FAM200B: variants seen among roughly 807,000 people sequenced by gnomAD.
The protein encoded by FAM200B is zinc finger BED-type containing 11, also known as protein FAM200B.
Under a neutral mutation model 33.1 loss-of-function variants are expected in FAM200B, and 32 were observed. That is an observed-to-expected ratio of 0.97 (90% CI 0.73 to 1.30). The LOEUF is 1.30. FAM200B is among the 50% of genes most tolerant of loss of function. The pLI is 0.00. For synonymous variants in FAM200B, 240 were observed against 264.8 expected (o/e 0.91, Z 0.91); for missense variants, 741 against 754.0 (o/e 0.98, Z 0.20).
the FAM200B span, among the ~76,000 whole-genome samples, chr4:15,642,646 G>A: frequency 1.3e-5 from 2 of 152,130 alleles, no homozygotes; most frequent in Admixed American, 1.3e-4. Context: ...CTAATGTCCT[G>A]TTCTCTTACG....
the FAM200B span, among the ~76,000 whole-genome samples, chr4:15,654,997 A>C: frequency 6.6e-6 from 1 of 151,270 alleles, no homozygotes; most frequent in East Asian, 1.9e-4. Flanking sequence ...AGCACGTCCG[A>C]GGCGGCGGCC....
chr4:15,666,800 G>A, the FAM200B span, among the ~76,000 whole-genome samples: 1 of 151,772 alleles, frequency 6.6e-6, no homozygotes, highest in Non-Finnish European at 1.5e-5. Context: ...CAGCCTGGGT[G>A]ACAGAGCTGC....
At chr4:15,646,519 A>G in the FAM200B span, among the ~76,000 whole-genome samples, 3 of 151,688 alleles carry the variant, frequency 2.0e-5, no homozygotes, top group African/African-American at 7.2e-5. Flanking sequence ...TACAAAATCA[A>G]AAGAAACCAT....
upstream of FAM200B, among the ~76,000 whole-genome samples, chr4:15,680,018 T>C (rs1718158027): frequency 6.6e-6 from 1 of 151,838 alleles, no homozygotes; most frequent in African/African-American, 2.4e-5. Flanking sequence ...ATTTACTGTA[T>C]AAACTGGAGT....
At chr4:15,661,710 C>A in the FAM200B span, among the ~76,000 whole-genome samples, 1 of 152,014 alleles carries the variant, frequency 6.6e-6, no homozygotes, top group Non-Finnish European at 1.5e-5. Context: ...GCTTAAGCAC[C>A]CTTTAAAACT....
chr4:15,655,996 C>T, the FAM200B span, among the ~76,000 whole-genome samples: 1 of 152,204 alleles, frequency 6.6e-6, no homozygotes, highest in East Asian at 1.9e-4. Context: ...GGGGCAGAGA[C>T]CGCGAGAGAG....
At chr4:15,668,920 A>G in the FAM200B span, among the ~76,000 whole-genome samples, 1 of 152,188 alleles carries the variant, frequency 6.6e-6, no homozygotes, top group Non-Finnish European at 1.5e-5. Context: ...ACAGTAGCTC[A>G]TTTACTTTTT....
chr4:15,640,268 G>A, the FAM200B span, among the ~76,000 whole-genome samples: 3 of 151,282 alleles, frequency 2.0e-5, no homozygotes, highest in Admixed American at 6.6e-5. Context: ...TCTTGAACTC[G>A]TGAGTTCAAG....
chr4:15,656,906 TAGTA>T, the FAM200B span, among the ~76,000 whole-genome samples: 1 of 150,712 alleles, frequency 6.6e-6, no homozygotes, highest in Admixed American at 6.6e-5. Flanking sequence ...TCCCACAAAT[TAGTA>T]AGTCAAAAAT....
chr4:15,673,083 G>C, the FAM200B span, among the ~76,000 whole-genome samples: 1 of 152,108 alleles, frequency 6.6e-6, no homozygotes, highest in Admixed American at 6.5e-5. Context: ...TACTTTGAAG[G>C]ATCTGTCTGA....
chr4:15,659,724 T>TA, the FAM200B span: 22 of 985,166 alleles, frequency 2.2e-5, no homozygotes, highest in African/African-American at 3.7e-4. Flanking sequence ...TTATGTCACC[T>TA]ACCTTGCGTC....
At chr4:15,674,037 C>T in the FAM200B span, among the ~76,000 whole-genome samples, 75 of 152,246 alleles carry the variant, frequency 4.9e-4, no homozygotes, top group East Asian at 9.5e-3. Flanking sequence ...TTAACCATTA[C>T]ATGCCAGAAC....
chr4:15,661,258 T>C, the FAM200B span, among the ~76,000 whole-genome samples: 1 of 152,224 alleles, frequency 6.6e-6, no homozygotes, highest in Non-Finnish European at 1.5e-5. Context: ...TGCTTGTAAT[T>C]GCACTGTTTT....
the FAM200B span, chr4:15,638,829 C>T: frequency 3.5e-6 from 2 of 577,256 alleles, no homozygotes; most frequent in Non-Finnish European, 5.8e-6. Context: ...TTAGCTGTCA[C>T]CACTGAGTTA....
intron 1 of FAM200B, chr4:15,684,669 TTTC>T (rs1328595102): frequency 6.6e-6 from 1 of 152,228 alleles, no homozygotes; most frequent in African/African-American, 2.4e-5. Flanking sequence ...CCCTTCAGCT[TTTC>T]TTATGCATTA....
chr4:15,687,492 T>C lies in FAM200B; in HGVS notation c.515T>C (p.Leu172Pro). 1 of 1,551,144 alleles carries C rather than the reference T, an allele frequency of 6.4e-7. No homozygotes were observed. The highest frequency in any genetic ancestry group is 8.7e-7 in the Non-Finnish European group (1 of 1,146,770). ...IANTAAEKII[L>P]PACLDMVRTI... ...AACACAGCTGCTGAAAAAATTATTC[T>C]TCCAGCATGTTTGGATATGGTGCGT... is the stretch of plus-strand genomic sequence containing the variant. The change falls in exon 2 of 2, where the codon CTT becomes CCT. Residue 172 changes from leucine (L) to proline (P), a missense_variant. By Grantham distance (98) the Leu-to-Pro change is moderately conservative (BLOSUM62 -3). Transcript: ENST00000422728.
Position 15,687,573 on chromosome 4 carries a change from C to T in FAM200B, c.596C>T (p.Thr199Ile). The change falls in exon 2 of 2, where the codon ACA becomes ATA. Residue 199 changes from threonine (T) to isoleucine (I), a missense_variant. By Grantham distance (89) the Thr-to-Ile change is moderately conservative. Coordinates refer to ENST00000422728, the MANE Select transcript of FAM200B (RefSeq NM_001145191.2). ...TTAAAAACTATACCTAATGATAACA[C>T]AGTATCTCTTCGAATTTGTACTATT... is the stretch of plus-strand genomic sequence containing the variant. ...DKLKTIPNDN[T>I]VSLRICTIAE... 6.5e-7 allele frequency: 1 copy of T among 1,550,138 alleles called. No individual in the cohort carries two copies. The highest frequency in any genetic ancestry group is 1.2e-5 in the South Asian group (1 of 84,014).
chr4:15,684,374 C>T (rs955131135), intron 1 of FAM200B, among the ~76,000 whole-genome samples: 1 of 152,184 alleles, frequency 6.6e-6, no homozygotes. Flanking sequence ...CTCATTAAAG[C>T]CGCTTTCGGA....
chr4:15,676,519 T>G, the FAM200B span, among the ~76,000 whole-genome samples: 3 of 152,170 alleles, frequency 2.0e-5, no homozygotes, highest in Non-Finnish European at 2.9e-5. Context: ...GTGGACATAG[T>G]TTAGCTTCTA....
Sources: allele counts gnomAD v4.1 joint callset (sites outside exome capture counted in the v4.1 genomes callset), GRCh38; gene constraint gnomAD v4.1.1; transcripts MANE v1.5; gene names NCBI Gene and HGNC (gene_info 2026-07-23, HGNC 2026-07-21).